CPEB4: variants seen among roughly 807,000 people sequenced by gnomAD.
The protein encoded by CPEB4 is cytoplasmic polyadenylation element-binding protein 4.
A neutral mutation model predicts 72.5 loss-of-function variants in CPEB4; 12 were observed. That is an observed-to-expected ratio of 0.17 (90% confidence interval 0.11 to 0.27). CPEB4 has a LOEUF of 0.27. CPEB4 is among the 10% of genes least tolerant of loss of function. CPEB4 has a pLI of 1.00. For synonymous variants in CPEB4, 302 were observed against 326.3 expected (o/e 0.93, Z 0.80); for missense variants, 614 against 908.5 (o/e 0.68, Z 4.17).
chr5:173,920,117 C>A (rs2113204657), intron 2 of CPEB4, among the ~76,000 whole-genome samples: 1 of 152,310 alleles, frequency 6.6e-6, no homozygotes, highest in East Asian at 1.9e-4. Context: ...TTGACTGATT[C>A]TGAATTCAGT....
At chr5:173,951,790 G>C in intron 7 of CPEB4, 34 bp from the exon 8 acceptor site, 1 of 1,291,090 alleles carries the variant, frequency 7.7e-7, no homozygotes, top group Non-Finnish European at 1.1e-6. Context: ...TGTCTGTATT[G>C]AGAATGAGAC....
chr5:173,952,601 TTGG>T (rs562310582), intron 8 of CPEB4, among the ~76,000 whole-genome samples: 229 of 152,204 alleles, frequency 1.5e-3, no homozygotes, highest in Non-Finnish European at 2.8e-3. Flanking sequence ...AAATGAAAAA[TTGG>T]TGAACTGACT....
intron 1 of CPEB4, among the ~76,000 whole-genome samples, chr5:173,894,395 C>T (rs186726915): frequency 1.3e-5 from 2 of 151,940 alleles, no homozygotes; most frequent in African/African-American, 4.8e-5. Context: ...CTGAAGTGGG[C>T]GGATCACTTG....
chr5:173,906,158 T>A (rs1244239951), intron 1 of CPEB4, among the ~76,000 whole-genome samples: 1 of 152,206 alleles, frequency 6.6e-6, no homozygotes, highest in African/African-American at 2.4e-5. Flanking sequence ...AAGGCAAAAT[T>A]GAAGAATGAA....
chr5:173,930,031 A>G (rs1352337541), intron 2 of CPEB4, among the ~76,000 whole-genome samples: 1 of 151,890 alleles, frequency 6.6e-6, no homozygotes, highest in East Asian at 1.9e-4. Context: ...TGATTCAGAA[A>G]CAGTACTCTG....
rs1324557167 is a variant in CPEB4, at chr5:173,888,375, C to T, written c.-1359C>T. On this transcript the variant is annotated 5_prime_UTR_variant, in exon 1 of 10. Coordinates refer to ENST00000265085, the MANE Select transcript of CPEB4 (RefSeq NM_030627.4). The surrounding 1 kb of genome is among the most constrained non-coding windows in gnomAD (Gnocchi z 4.3). The stretch of plus-strand genomic sequence containing the variant: ...CTCGGCTCGGTCCTGAGGAGAAGGA[C>T]TCAGCCGCGGCTGCGGGACCCGGGC... 9 of 447,602 alleles carry T rather than the reference C, an allele frequency of 2.0e-5. No homozygotes were observed. The highest frequency in any genetic ancestry group is 3.5e-5 in the Non-Finnish European group (9 of 260,002). The allele number at this position is 447,602 out of a possible 1,614,324, so 27.7% of individuals were successfully genotyped here.
At chr5:173,896,671 A>G (rs910215243) in intron 1 of CPEB4, among the ~76,000 whole-genome samples, 3 of 152,366 alleles carry the variant, frequency 2.0e-5, no homozygotes, top group African/African-American at 7.2e-5. Context: ...AATAAAATGC[A>G]TATATAAAGC....
Position 173,900,109 on chromosome 5 carries a change from T to A in CPEB4, c.1125+9251T>A, listed in dbSNP as rs572428224. Among the ~76,000 whole-genome samples, 1 of 152,150 alleles carries A rather than the reference T, an allele frequency of 6.6e-6. No individual in the cohort carries two copies. The highest frequency in any genetic ancestry group is 2.1e-4 in the South Asian group (1 of 4,814). ...CAAGACATAAGCTTCAGTTTAGGAA[T>A]AAAGGTTGTGCATTGGCCAGGTGTG... On this transcript the variant is annotated intron_variant, in intron 1 of 9. Coordinates refer to ENST00000265085, the MANE Select transcript of CPEB4 (RefSeq NM_030627.4). This position sits in a 1 kb window ranked among gnomAD's most constrained non-coding sequence, Gnocchi z 4.4.
rs560500498 is a variant in CPEB4, at chr5:173,895,616, T to C, written c.1125+4758T>C. 3.7e-3 allele frequency among the ~76,000 whole-genome samples: 556 copies of C among 152,164 alleles called. 5 individuals carry two copies. The highest frequency in any genetic ancestry group is 0.016 in the South Asian group (76 of 4,830). ...TACATTTTCTTGTTTCTTAATACAG[T>C]ATCGTTCCAAGAAGGATCTTTGCAT... On this transcript the variant is annotated intron_variant, in intron 1 of 9. Coordinates refer to ENST00000265085, the MANE Select transcript of CPEB4 (RefSeq NM_030627.4).
chr5:173,945,092 T>A lies in CPEB4; in HGVS notation c.1408T>A (p.Tyr470Asn). Residue 470 changes from tyrosine (Y) to asparagine (N), a missense_variant, in exon 5 of 10, where the codon TAT becomes AAT. Around this residue, in one of 5 missense-constraint regions of CPEB4, gnomAD observed 458 missense variants for 548.6 expected, o/e 0.83. Coordinates refer to ENST00000265085, the MANE Select transcript of CPEB4 (RefSeq NM_030627.4). ...CCAGAATGGGGAAAGAGTGGAACGATATTCTCGAAAGGTGTTTGTAGGCGG... is the reference window on the plus strand; with the variant it reads ...CCAGAATGGGGAAAGAGTGGAACGAAATTCTCGAAAGGTGTTTGTAGGCGG... ...SHQNGERVERYSRKVFVGGLP... is the reference protein window; with the variant it reads ...SHQNGERVERNSRKVFVGGLP... The A allele has an allele frequency of 6.2e-7, 1 of 1,613,772 alleles. No homozygotes were observed. The highest frequency in any genetic ancestry group is 8.5e-7 in the Non-Finnish European group (1 of 1,179,864).
At chr5:173,951,713 T>G (rs113148345) in intron 7 of CPEB4, 111 bp from the exon 8 acceptor site, 1 of 671,838 alleles carries the variant, frequency 1.5e-6, no homozygotes, top group African/African-American at 1.8e-5. Context: ...CTTTATTGAC[T>G]TGTAATCATA....
intron 2 of CPEB4, 69 bp downstream of exon 2, chr5:173,910,673 A>G: frequency 1.0e-6 from 1 of 989,688 alleles, no homozygotes; most frequent in Non-Finnish European, 1.6e-6. Flanking sequence ...ATTTAATCTG[A>G]TACACAGTAT....
At chr5:173,953,931 A>G (rs17763772) in intron 9 of CPEB4, among the ~76,000 whole-genome samples, 33,763 of 151,986 alleles carry the variant, frequency 0.22, 4,964 homozygotes, top group Non-Finnish European at 0.31. Context: ...CTGTAAACTT[A>G]GTTTGTAGTG....
intron 5 of CPEB4, among the ~76,000 whole-genome samples, chr5:173,947,663 AG>A (rs1758074383): frequency 6.6e-6 from 1 of 152,198 alleles, no homozygotes; most frequent in Non-Finnish European, 1.5e-5. Context: ...TGAACTCATT[AG>A]TTTTTGTAAG....
At chr5:173,918,655 C>A (rs1265626383) in intron 2 of CPEB4, among the ~76,000 whole-genome samples, 2 of 152,218 alleles carry the variant, frequency 1.3e-5, no homozygotes, top group African/African-American at 4.8e-5. Context: ...TGGGCCAGAT[C>A]CTCATCTGCC....
At chr5:173,947,276 G>T (rs1282974331) in intron 5 of CPEB4, among the ~76,000 whole-genome samples, 3 of 152,128 alleles carry the variant, frequency 2.0e-5, no homozygotes, top group Non-Finnish European at 2.9e-5. Context: ...GGTCTTCCTT[G>T]TCTATCATTT....
At chr5:173,914,053 C>G (rs1300041960) in intron 2 of CPEB4, among the ~76,000 whole-genome samples, 1 of 152,192 alleles carries the variant, frequency 6.6e-6, no homozygotes, top group Non-Finnish European at 1.5e-5. Context: ...TTACAGGAAG[C>G]TTGTGTGTTT....
In CPEB4 at chr5:173,907,261, G is replaced by A. The variant is rs561973716; in HGVS notation, c.1126-3262G>A. On this transcript the variant is annotated intron_variant, in intron 1 of 9. Coordinates refer to ENST00000265085, the MANE Select transcript of CPEB4 (RefSeq NM_030627.4). Reference sequence around the variant, plus strand: ...CAGCCTGGCAACAGAGCGAGACTCCGTCTCAAAACAACAACAACAACAACA... The same window carrying A: ...CAGCCTGGCAACAGAGCGAGACTCCATCTCAAAACAACAACAACAACAACA... Among the ~76,000 whole-genome samples the A allele has an allele frequency of 6.6e-5, 10 of 152,152 alleles. No individual in the cohort carries two copies. The East Asian group carries it at 1.5e-3, about 24-fold the overall frequency.
intron 2 of CPEB4, among the ~76,000 whole-genome samples, chr5:173,911,921 A>G (rs1756679506): frequency 6.6e-6 from 1 of 152,264 alleles, no homozygotes; most frequent in East Asian, 1.9e-4. Flanking sequence ...TTGGCTTATC[A>G]TGTTACTGAT....
Sources: gnomAD v4.1 joint callset for allele counts (sites outside exome capture counted in the v4.1 genomes callset) on GRCh38, gnomAD v4.1.1 for gene constraint, gnomAD v4.1.1 regional missense constraint, Gnocchi (gnomAD v3.1) non-coding constraint, MANE v1.5 for transcripts, NCBI Gene and HGNC (gene_info 2026-07-23, HGNC 2026-07-21) for gene names.